The following FKBP3 variants were observed in gnomAD, a reference collection of about 807,000 sequenced individuals.
FKBP3 encodes the protein FKBP prolyl isomerase 3.
In FKBP3, 21 loss-of-function variants were observed where a neutral mutation model predicts 30.6. The observed-to-expected ratio is 0.69, with a 90% CI of 0.49 to 0.99. FKBP3 has a LOEUF of 0.99. FKBP3 is among the 50% of genes least tolerant of loss of function. FKBP3 has a pLI of 0.00. For missense variants in FKBP3, 283 were observed against 261.6 expected (o/e 1.08, Z -0.56); for synonymous variants, 82 against 91.3 (o/e 0.90, Z 0.58).
Position 45,134,396 on chromosome 14 carries a change from G to T in FKBP3, c.61C>A (p.Pro21Thr), listed in dbSNP as rs1458626289. 1 of 1,613,662 alleles carries T rather than the reference G, an allele frequency of 6.2e-7. No homozygotes were observed. The highest frequency in any genetic ancestry group is 8.5e-7 in the Non-Finnish European group (1 of 1,179,756). The change falls in exon 1 of 7, where the codon CCC becomes ACC. Residue 21 changes from proline to threonine, a missense_variant. Transcript: ENST00000396062. Reference sequence around the variant, plus strand: ...AGAAACTTGATAATGTCCTTCTTGGGCAGCTGCTCACTGCGCAGCTGCTCC... The same window carrying T: ...AGAAACTTGATAATGTCCTTCTTGGTCAGCTGCTCACTGCGCAGCTGCTCC... ...TVEQLRSEQLPKKDIIKFLQE... is the reference protein window; with the variant it reads ...TVEQLRSEQLTKKDIIKFLQE...
intron 4 of FKBP3, 93 bp downstream of exon 4, chr14:45,121,392 C>A: frequency 9.9e-7 from 1 of 1,014,822 alleles, no homozygotes; most frequent in South Asian, 1.7e-5. Context: ...AGGTGACAGT[C>A]AGGAAAAAGG....
intron 1 of FKBP3, among the ~76,000 whole-genome samples, chr14:45,133,090 A>T (rs1453715311): frequency 6.6e-6 from 1 of 152,210 alleles, no homozygotes; most frequent in Non-Finnish European, 1.5e-5. Context: ...CCAGGATAAT[A>T]ATTAAGGAAG....
intron 6 of FKBP3, among the ~76,000 whole-genome samples, chr14:45,116,896 A>G (rs1343385810): frequency 1.3e-5 from 2 of 152,000 alleles, no homozygotes; most frequent in East Asian, 3.9e-4. Flanking sequence ...TAAGAGTTAT[A>G]TAATTTATAT....
chr14:45,133,790 C>T (rs1885283409), intron 1 of FKBP3, among the ~76,000 whole-genome samples: 1 of 152,176 alleles, frequency 6.6e-6, no homozygotes, highest in African/African-American at 2.4e-5. Flanking sequence ...GTGCATGTAG[C>T]TCCCTTAAAG....
chr14:45,130,830 T>C (rs1885197205), intron 1 of FKBP3, 30 bp from the exon 2 acceptor site: 1 of 1,346,628 alleles, frequency 7.4e-7, no homozygotes, highest in Non-Finnish European at 1.0e-6. Context: ...GTAATCAAGA[T>C]AACTTCTCCC....
intron 1 of FKBP3, among the ~76,000 whole-genome samples, chr14:45,133,827 G>A (rs755256118): frequency 6.0e-4 from 92 of 152,240 alleles, no homozygotes; most frequent in Middle Eastern, 3.4e-3. Context: ...TCATTTAAAG[G>A]GTCGATATGT....
chr14:45,129,993 T>C, intron 2 of FKBP3, 92 bp from the exon 3 acceptor site: 1 of 645,876 alleles, frequency 1.5e-6, no homozygotes, highest in Non-Finnish European at 2.6e-6. Context: ...AATGAACATC[T>C]GCATAATAAA....
At chr14:45,124,810 G>A (rs1885063369) in intron 3 of FKBP3, among the ~76,000 whole-genome samples, 1 of 152,084 alleles carries the variant, frequency 6.6e-6, no homozygotes, top group Admixed American at 6.6e-5. Flanking sequence ...CATGAAATAC[G>A]GCTAGAAAAA....
intron 1 of FKBP3, among the ~76,000 whole-genome samples, chr14:45,132,637 C>G (rs1566709557): frequency 6.6e-6 from 1 of 151,898 alleles, no homozygotes; most frequent in Admixed American, 6.6e-5. Flanking sequence ...CTGGCCTCAA[C>G]TGTTAGTCAG....
rs1240018317 is a variant in FKBP3 at position 45,134,370 on chromosome 14, C to G, written c.87G>C (p.Leu29=). 5.6e-6 allele frequency: 9 copies of G among 1,613,722 alleles called. No homozygotes were observed. The highest frequency in any genetic ancestry group is 1.3e-5 in the African/African-American group (1 of 74,926). ...GTACCGAATCTGAACCGTGTTCCTGCAGAAACTTGATAATGTCCTTCTTGG... is the reference window on the plus strand; with the variant it reads ...GTACCGAATCTGAACCGTGTTCCTGGAGAAACTTGATAATGTCCTTCTTGG... ...QLPKKDIIKF[L]QEHGSDSFLA... is the part of the protein sequence containing the mutation. The change falls in exon 1 of 7, where the codon CTG becomes CTC. Residue 29 remains leucine (L), a synonymous_variant. Transcript: ENST00000396062.
intron 3 of FKBP3, among the ~76,000 whole-genome samples, chr14:45,124,543 T>TA (rs150687394): frequency 7.2e-6 from 1 of 138,208 alleles, no homozygotes. Flanking sequence ...AAAAAAAAAA[T>TA]TATATATATA....
rs773477940 is a variant in FKBP3, at chr14:45,118,143, A to C, written c.523-18T>G. 11 of 1,519,940 alleles carry C rather than the reference A, an allele frequency of 7.2e-6. No individual in the cohort carries two copies. The highest frequency in any genetic ancestry group is 1.4e-5 in the African/African-American group (1 of 71,288). The allele number at this position is 1,519,940 out of a possible 1,614,324, so 94.2% of individuals were successfully genotyped here. A position where few individuals can be genotyped will look rare whatever the true frequency, so the allele number is the denominator to read the frequency against. The stretch of plus-strand genomic sequence containing the variant: ...TCATCCCACTAAAGGCAAGAACAAA[A>C]TAAAAACTAATGGTATTTTGCAAAA... On this transcript the variant is annotated intron_variant, in intron 5 of 6. Coordinates refer to ENST00000396062, the MANE Select transcript of FKBP3 (RefSeq NM_002013.4).
At chr14:45,126,705 G>A (rs1439938329) in intron 3 of FKBP3, among the ~76,000 whole-genome samples, 1 of 152,152 alleles carries the variant, frequency 6.6e-6, no homozygotes, top group African/African-American at 2.4e-5. Context: ...GTATGTCTAT[G>A]CCAGGCAGTG....
chr14:45,130,006 T>A (rs535929407), intron 2 of FKBP3, 105 bp from the exon 3 acceptor site: 2 of 568,102 alleles, frequency 3.5e-6, no homozygotes, highest in South Asian at 5.5e-5. Flanking sequence ...ATAATAAATA[T>A]AGGTTGTATA....
rs376264225 is a variant in FKBP3 at position 45,129,915 on chromosome 14, G to T, written c.211-14C>A. 1.9e-6 allele frequency: 3 copies of T among 1,558,062 alleles called. No homozygotes were observed. Among genetic ancestry groups the T allele is most frequent in the Middle Eastern group, 1.7e-4 (1 of 5,898 alleles). On this transcript the variant is annotated splice_polypyrimidine_tract_variant and intron_variant, in intron 2 of 6. Coordinates refer to ENST00000396062, the MANE Select transcript of FKBP3 (RefSeq NM_002013.4). ...ACCCTTAAAACGCTGTAAGGAAAAT[G>T]TTGTAACATCATACCCAGGACAGGC...
chr14:45,122,471 G>A (rs182728511), intron 3 of FKBP3, among the ~76,000 whole-genome samples: 137 of 152,204 alleles, frequency 9.0e-4, no homozygotes, highest in Middle Eastern at 3.4e-3. Flanking sequence ...AGTTTGAAAA[G>A]CAAGAGAAAA....
intron 1 of FKBP3, chr14:45,133,249 C>T (rs910769788): frequency 6.6e-5 from 11 of 166,282 alleles, no homozygotes; most frequent in Non-Finnish European, 1.4e-4. Flanking sequence ...GGGCGGATCA[C>T]GAGGTCAGGA....
At chr14:45,119,662 C>G (rs1420034325) in intron 5 of FKBP3, among the ~76,000 whole-genome samples, 1 of 151,694 alleles carries the variant, frequency 6.6e-6, no homozygotes, top group Admixed American at 6.6e-5. Context: ...AATATACTTG[C>G]TATCAACTTG....
chr14:45,118,037 G>C lies in FKBP3; in HGVS notation c.611C>G (p.Pro204Arg), dbSNP rs1594740448. The C allele has an allele frequency of 6.3e-7, 1 of 1,593,316 alleles. No individual in the cohort carries two copies. The highest frequency in any genetic ancestry group is 1.7e-4 in the Middle Eastern group (1 of 5,984). Reference sequence around the variant, plus strand: ...GGGGAAAAAAGGATACTTGGCATCAGGCTGTCCTTTCTTTCCGTAAGCCCA... The same window carrying C: ...GGGGAAAAAAGGATACTTGGCATCACGCTGTCCTTTCTTTCCGTAAGCCCA... ...PEWAYGKKGQ[P>R]DAKIPPNAKL... is the part of the protein sequence containing the mutation. The change falls in exon 6 of 7, where the codon CCT becomes CGT. Residue 204 changes from proline to arginine, a missense_variant. Pro to Arg is a moderately radical substitution (Grantham distance 103, BLOSUM62 -2). Coordinates refer to ENST00000396062, the MANE Select transcript of FKBP3 (RefSeq NM_002013.4).
Sources: gnomAD v4.1 joint callset for allele counts (sites outside exome capture counted in the v4.1 genomes callset) on GRCh38, gnomAD v4.1.1 for gene constraint, MANE v1.5 for transcripts, NCBI Gene and HGNC (gene_info 2026-07-23, HGNC 2026-07-21) for gene names.